Variants in LAP3 observed in about 807,000 individuals in gnomAD.
The protein encoded by LAP3 is leucine aminopeptidase 3.
A neutral mutation model predicts 58.8 loss-of-function variants in LAP3; 46 were observed. That is an observed-to-expected ratio of 0.78 (90% CI 0.62 to 1.00). The LOEUF (loss-of-function observed/expected upper bound fraction) is 1.00, where lower values mean the gene tolerates loss of function less well. Among genes scored for constraint, LAP3 ranks in the 50% least tolerant of loss-of-function variants. The probability of loss-of-function intolerance (pLI) is 0.00; values close to 1 mark genes in which losing one functional copy is unlikely to be tolerated. For missense variants in LAP3, 615 were observed against 659.1 expected, an observed-to-expected ratio of 0.93 and a Z score of 0.73; for synonymous variants, 257 against 237.7, an observed-to-expected ratio of 1.08 and a Z score of -0.75.
At chr4:17,582,495 G>T in intron 4 of LAP3, 102 bp downstream of exon 4, 1 of 795,106 alleles carries the variant, frequency 1.3e-6, no homozygotes, top group Non-Finnish European at 2.1e-6. Context: ...CCCTTACCAC[G>T]TTCACACAGA....
chr4:17,581,460 A>G (rs995002098), intron 2 of LAP3, among the ~76,000 whole-genome samples: 3 of 152,116 alleles, frequency 2.0e-5, no homozygotes, highest in Non-Finnish European at 2.9e-5. Flanking sequence ...GTAGATCAGC[A>G]GTGTAATCTG....
rs1417585444 is a variant in LAP3, at chr4:17,583,578, C to T, written c.475C>T (p.Leu159Phe). The change falls in exon 5 of 13, where the codon CTC (leucine) becomes TTC (phenylalanine). Residue 159 changes from leucine to phenylalanine, a missense_variant. Leu to Phe is a conservative substitution (Grantham distance 22). Coordinates refer to ENST00000226299, the MANE Select transcript of LAP3 (RefSeq NM_015907.3). ...QAAAEGAVLG[L>F]YEYDDLKQKK... ...TGCTGCGGAGGGAGCGGTGCTTGGT[C>T]TCTATGAATACGATGACCTAAAGCA... 6.2e-7 allele frequency: 1 copy of T among 1,614,134 alleles called. No homozygotes were observed. The highest frequency in any genetic ancestry group is 8.5e-7 in the Non-Finnish European group (1 of 1,180,030).
intron 10 of LAP3, among the ~76,000 whole-genome samples, chr4:17,603,488 T>G (rs967944531): frequency 6.7e-6 from 1 of 148,556 alleles, no homozygotes; most frequent in Admixed American, 6.9e-5. Context: ...TGAGACCCCA[T>G]CTCTACAGCA....
intron 1 of LAP3, among the ~76,000 whole-genome samples, chr4:17,577,828 C>T (rs918326086): frequency 6.6e-6 from 1 of 152,222 alleles, no homozygotes; most frequent in Non-Finnish European, 1.5e-5. Context: ...CTCGGCCGCG[C>T]ACTTGCTCCA....
At chr4:17,584,038 C>T (rs1303914751) in intron 5 of LAP3, among the ~76,000 whole-genome samples, 1 of 152,266 alleles carries the variant, frequency 6.6e-6, no homozygotes, top group Non-Finnish European at 1.5e-5. Flanking sequence ...CCTCTGGATG[C>T]TTGGTCCTTG....
chr4:17,587,097 CTG>C (rs1380134841), intron 6 of LAP3, among the ~76,000 whole-genome samples: 2 of 152,268 alleles, frequency 1.3e-5, no homozygotes, highest in Admixed American at 6.5e-5. Flanking sequence ...CAGAGAGACA[CTG>C]TGTCTCAAAA....
rs776076319 is a variant in LAP3, at chr4:17,595,585, G to T, written c.988+51G>T. ...CATAACGCTTCTGGATTCTAGCCAG[G>T]TGGGAGAAGAGAGACAACAGATATG... is the stretch of plus-strand genomic sequence containing the variant. On this transcript the variant is annotated intron_variant, in intron 8 of 12. Transcript: ENST00000226299. 25 of 1,584,684 alleles carry T rather than the reference G, an allele frequency of 1.6e-5. No homozygotes were observed. In the South Asian group the frequency reaches 2.6e-4, roughly 16 times the overall value.
In LAP3 at chr4:17,580,469, A is replaced by G. The variant is rs1352433978; in HGVS notation, c.218+530A>G. Among the ~76,000 whole-genome samples the G allele has an allele frequency of 2.0e-5, 3 of 151,802 alleles. No individual in the cohort carries two copies. In the East Asian group the frequency reaches 5.9e-4, roughly 30 times the overall value. The stretch of plus-strand genomic sequence containing the variant: ...GTCTGCAGTTCTGGGAAGTCAGGCC[A>G]TTTCCAGCCCAATCAGAAATCTATT... On this transcript the variant is annotated intron_variant, in intron 2 of 12. Transcript: ENST00000226299.
At chr4:17,593,609 G>GTTTTTTTTTTTTTTTTTT (rs55676326) in intron 7 of LAP3, among the ~76,000 whole-genome samples, 3 of 87,608 alleles carry the variant, frequency 3.4e-5, no homozygotes, top group African/African-American at 9.3e-5. Context: ...ATCTGCTTGG[G>GTTTTTTTTTTTTTTTTTT]TTTTTTTTTT....
intron 6 of LAP3, among the ~76,000 whole-genome samples, chr4:17,588,032 A>C (rs749231130): frequency 6.6e-6 from 1 of 151,144 alleles, no homozygotes; most frequent in Non-Finnish European, 1.5e-5. Context: ...CCTATTGCTA[A>C]TTTTATTTTT....
intron 4 of LAP3, among the ~76,000 whole-genome samples, chr4:17,583,260 A>T (rs1713411737): frequency 6.6e-6 from 1 of 152,160 alleles, no homozygotes; most frequent in African/African-American, 2.4e-5. Flanking sequence ...CATTCTCTCC[A>T]TCAGCCTGTC....
Position 17,577,395 on chromosome 4 carries a change from C to G in LAP3, c.-71C>G, listed in dbSNP as rs1713225316. On this transcript the variant is annotated 5_prime_UTR_variant, in exon 1 of 13. Coordinates refer to ENST00000226299, the MANE Select transcript of LAP3 (RefSeq NM_015907.3). ...CGCCGTCTGCGCCCCGAAAGCCCCG[C>G]CCCAAGGCGCGCCCGCCCACCGCTC... 8.0e-7 allele frequency: 1 copy of G among 1,251,984 alleles called. No individual in the cohort carries two copies. Among genetic ancestry groups the G allele is most frequent in the Non-Finnish European group, 1.1e-6 (1 of 932,484 alleles). 77.6% of individuals were successfully genotyped at this position (1,251,984 alleles called of 1,614,324 possible).
intron 1 of LAP3, among the ~76,000 whole-genome samples, chr4:17,578,655 A>C: frequency 6.6e-6 from 1 of 152,248 alleles, no homozygotes; most frequent in East Asian, 1.9e-4. Flanking sequence ...AGGCAGACAA[A>C]ACATTTTTAA....
intron 3 of LAP3, 78 bp from the exon 4 acceptor site, chr4:17,582,210 C>A (rs1713382317): frequency 1.7e-6 from 2 of 1,143,334 alleles, no homozygotes; most frequent in Non-Finnish European, 2.6e-6. Context: ...CTCAGTGAGT[C>A]TCCACATGTA....
intron 3 of LAP3, 97 bp from the exon 4 acceptor site, chr4:17,582,191 G>C: frequency 1.1e-6 from 1 of 948,306 alleles, no homozygotes; most frequent in East Asian, 2.5e-5. Flanking sequence ...TAAAGTAATT[G>C]TGTGGGAGCT....
At chr4:17,584,636 T>C (rs1713455133) in intron 5 of LAP3, among the ~76,000 whole-genome samples, 1 of 152,218 alleles carries the variant, frequency 6.6e-6, no homozygotes, top group Non-Finnish European at 1.5e-5. Context: ...GGCTTTTCTG[T>C]GGAAGCCTCT....
In LAP3 at chr4:17,606,957, A is replaced by G; in HGVS notation, c.1370+19A>G. The G allele has an allele frequency of 6.8e-7, 1 of 1,470,154 alleles. No homozygotes were observed. The highest frequency in any genetic ancestry group is 2.3e-5 in the East Asian group (1 of 44,016). The allele number at this position is 1,470,154 out of a possible 1,614,324, so 91.1% of individuals were successfully genotyped here. A position where few individuals can be genotyped will look rare whatever the true frequency, so the allele number is the denominator to read the frequency against. ...AATACAGGTATGTAAGCTAAGCTAAATGTACATTTATACAATCATCCTTGA... is the reference window on the plus strand; with the variant it reads ...AATACAGGTATGTAAGCTAAGCTAAGTGTACATTTATACAATCATCCTTGA... On this transcript the variant is annotated intron_variant, in intron 12 of 12. Coordinates refer to ENST00000226299, the MANE Select transcript of LAP3 (RefSeq NM_015907.3).
Position 17,577,342 on chromosome 4 carries a change from GC to G in LAP3, c.-121del, listed in dbSNP as rs1183508263. ...CCGCCCCCTAGACGCACGTCCGCTC[GC>G]CCGGCGCCCGAGCCAGTCCGCGCGC... is the stretch of plus-strand genomic sequence containing the variant. On this transcript the variant is annotated 5_prime_UTR_variant, in exon 1 of 13. Transcript: ENST00000226299. 2.8e-5 allele frequency: 14 copies of G among 504,972 alleles called. No individual in the cohort carries two copies. Among genetic ancestry groups the G allele is most frequent in the Non-Finnish European group, 4.2e-5 (14 of 331,932 alleles). 31.3% of individuals were successfully genotyped at this position (504,972 alleles called of 1,614,324 possible). A position where few individuals can be genotyped will look rare whatever the true frequency, so the allele number is the denominator to read the frequency against.
intron 6 of LAP3, among the ~76,000 whole-genome samples, chr4:17,588,055 G>T (rs539648041): frequency 1.3e-5 from 2 of 151,848 alleles, no homozygotes; most frequent in African/African-American, 4.8e-5. Flanking sequence ...AAGAGACAGG[G>T]TGTTGCTATG....
Sources: gnomAD v4.1 joint callset for allele counts (sites outside exome capture counted in the v4.1 genomes callset) on GRCh38, gnomAD v4.1.1 for gene constraint, MANE v1.5 for transcripts, NCBI Gene and HGNC (gene_info 2026-07-23, HGNC 2026-07-21) for gene names.